DLGAP2: variants seen among roughly 807,000 people sequenced by gnomAD.
DLGAP2 encodes DLG associated protein 2, also known as disks large-associated protein 2.
Under a neutral mutation model 100.3 loss-of-function variants are expected in DLGAP2, and 26 were observed. That is an observed-to-expected ratio of 0.26 (90% CI 0.19 to 0.36). The LOEUF is 0.36. Ranked by LOEUF, DLGAP2 falls within the 10% of genes least tolerant of loss-of-function variation. DLGAP2 has a pLI of 1.00. For synonymous variants in DLGAP2, 886 were observed against 630.1 expected (o/e 1.41, Z -6.08); for missense variants, 1,858 against 1,453.2 (o/e 1.28, Z -4.53).
At chr8:928,097 G>A (rs917778103) in intron 2 of DLGAP2, among the ~76,000 whole-genome samples, 3 of 152,214 alleles carry the variant, frequency 2.0e-5, no homozygotes, top group African/African-American at 7.2e-5. Flanking sequence ...GGCAGGTCCT[G>A]TGACTGGGGA....
At chr8:1,694,550 C>T (rs1253314246) in intron 13 of DLGAP2, among the ~76,000 whole-genome samples, 3 of 152,184 alleles carry the variant, frequency 2.0e-5, no homozygotes, top group Admixed American at 6.5e-5. Flanking sequence ...AACCTCAAAG[C>T]GTGTGGCCTG....
chr8:1,526,160 A>G (rs1034411334), intron 4 of DLGAP2, among the ~76,000 whole-genome samples: 11 of 151,156 alleles, frequency 7.3e-5, no homozygotes, highest in African/African-American at 2.7e-4. Flanking sequence ...GGTGTTCCCA[A>G]CGGGCTTCAG....
At chr8:1,518,216 C>T (rs993209848) in intron 4 of DLGAP2, among the ~76,000 whole-genome samples, 5 of 152,166 alleles carry the variant, frequency 3.3e-5, no homozygotes, top group Non-Finnish European at 7.3e-5. Context: ...AGTTTGCTAG[C>T]GTTCAGCCCT....
At chr8:1,532,251 C>G (rs761772735) in intron 4 of DLGAP2, among the ~76,000 whole-genome samples, 5 of 152,154 alleles carry the variant, frequency 3.3e-5, no homozygotes, top group Non-Finnish European at 7.3e-5. Context: ...GGGGGAGGTC[C>G]TGGAACGCAC....
chr8:1,407,869 G>A (rs1230438714), intron 3 of DLGAP2, among the ~76,000 whole-genome samples: 3 of 152,188 alleles, frequency 2.0e-5, no homozygotes, highest in Non-Finnish European at 1.5e-5. Context: ...TGCTTACTGA[G>A]CACCACCTCC....
chr8:1,446,477 C>T (rs893173476), intron 3 of DLGAP2, among the ~76,000 whole-genome samples: 1 of 152,146 alleles, frequency 6.6e-6, no homozygotes, highest in Non-Finnish European at 1.5e-5. Flanking sequence ...CAGTACCATG[C>T]TGTTTTGGTT....
At chr8:1,080,809 C>G (rs890541478) in intron 2 of DLGAP2, among the ~76,000 whole-genome samples, 1 of 152,142 alleles carries the variant, frequency 6.6e-6, no homozygotes, top group African/African-American at 2.4e-5. Flanking sequence ...AGGTCAGATC[C>G]ACTCACTCAG....
intron 3 of DLGAP2, among the ~76,000 whole-genome samples, chr8:1,471,946 A>G (rs1449231564): frequency 1.3e-5 from 2 of 152,250 alleles, no homozygotes; most frequent in Admixed American, 6.5e-5. Flanking sequence ...CCAGTACAAC[A>G]TCATTAAATC....
intron 8 of DLGAP2, among the ~76,000 whole-genome samples, chr8:1,635,310 G>C (rs891900801): frequency 2.0e-5 from 3 of 152,184 alleles, no homozygotes; most frequent in African/African-American, 4.8e-5. Context: ...AACATGTACG[G>C]GATGTAGGTG....
At chr8:1,171,710 G>C (rs1271232843) in intron 2 of DLGAP2, among the ~76,000 whole-genome samples, 10 of 151,894 alleles carry the variant, frequency 6.6e-5, no homozygotes, top group African/African-American at 2.4e-5. Context: ...TGCAACCCCT[G>C]CCTTTTTTTG....
rs118171288 is a variant in DLGAP2 at position 1,111,356 on chromosome 8, T to A, written c.74-147495T>A. Among the ~76,000 whole-genome samples, 64 of 152,206 alleles carry A rather than the reference T, an allele frequency of 4.2e-4. No individual in the cohort carries two copies. In the East Asian group the frequency reaches 0.011, roughly 26 times the overall value. ...CAGACTCCCTGGGTTCACGTTCCAG[T>A]CCCCATTTTCTGTGTGACCTTGGGC... On this transcript the variant is annotated intron_variant, in intron 2 of 14. Coordinates refer to ENST00000637795, the MANE Select transcript of DLGAP2 (RefSeq NM_001346810.2).
intron 3 of DLGAP2, among the ~76,000 whole-genome samples, chr8:1,318,383 C>T (rs78080540): frequency 2.0e-5 from 3 of 151,742 alleles, no homozygotes; most frequent in East Asian, 1.9e-4. Context: ...GTATTTCTCC[C>T]ACAGGGCTCC....
chr8:898,726 A>G (rs549760182), intron 1 of DLGAP2, among the ~76,000 whole-genome samples: 5 of 152,060 alleles, frequency 3.3e-5, no homozygotes, highest in Admixed American at 6.6e-5. Flanking sequence ...TCTGCTCTTT[A>G]TCTCACAAAG....
At chr8:1,459,813 G>A (rs182911301) in intron 3 of DLGAP2, among the ~76,000 whole-genome samples, 2 of 151,130 alleles carry the variant, frequency 1.3e-5, no homozygotes, top group East Asian at 4.0e-4. Flanking sequence ...AGCCTCCCGA[G>A]TAGCGGGAAT....
intron 1 of DLGAP2, among the ~76,000 whole-genome samples, chr8:823,907 G>A (rs1280302932): frequency 2.0e-5 from 3 of 152,202 alleles, no homozygotes; most frequent in Non-Finnish European, 4.4e-5. Context: ...GGCAGCGCCC[G>A]TGACACACAG....
chr8:1,013,086 C>G (rs978521661), intron 2 of DLGAP2, among the ~76,000 whole-genome samples: 3 of 152,162 alleles, frequency 2.0e-5, no homozygotes, highest in Admixed American at 2.0e-4. Context: ...CCCCTGGGCA[C>G]CTATGTTCTT....
In DLGAP2 at chr8:1,133,819, A is replaced by G. The variant is rs79394581; in HGVS notation, c.74-125032A>G. On this transcript the variant is annotated intron_variant, in intron 2 of 14. Transcript: ENST00000637795. The stretch of plus-strand genomic sequence containing the variant: ...GAACATCACTCAGTTGTTTTATACA[A>G]TCATAAAATCCGTATTGGGAATTGA... 6.7e-3 allele frequency among the ~76,000 whole-genome samples: 1,013 copies of G among 152,306 alleles called. 19 individuals carry two copies. Among genetic ancestry groups the G allele is most frequent in the East Asian group, 0.066 (341 of 5,186 alleles).
rs151278278 is a variant in DLGAP2 at position 1,674,494 on chromosome 8, A to G, written c.2203-2039A>G. ...ACACCTCACACACTGGTCAGAATTT[A>G]AGGTCCTTTGTTTAGGCTGGATTCC... is the stretch of plus-strand genomic sequence containing the variant. On this transcript the variant is annotated intron_variant, in intron 10 of 14. Transcript: ENST00000637795. 7.2e-4 allele frequency among the ~76,000 whole-genome samples: 109 copies of G among 152,388 alleles called. 2 individuals are homozygous for G. The highest frequency in any genetic ancestry group is 2.4e-3 in the African/African-American group (101 of 41,600).
At chr8:1,045,693 T>C (rs1437173617) in intron 2 of DLGAP2, among the ~76,000 whole-genome samples, 1 of 152,218 alleles carries the variant, frequency 6.6e-6, no homozygotes, top group African/African-American at 2.4e-5. Flanking sequence ...CTGTGAGTTC[T>C]CTTGTTTAGG....
Sources: allele counts gnomAD v4.1 joint callset (sites outside exome capture counted in the v4.1 genomes callset), GRCh38; gene constraint gnomAD v4.1.1; transcripts MANE v1.5; gene names NCBI Gene and HGNC (gene_info 2026-07-23, HGNC 2026-07-21).